The following ZNF277 variants were observed in gnomAD, a reference collection of about 807,000 sequenced individuals.
The protein encoded by ZNF277 is zinc finger protein 277.
In ZNF277, 55 loss-of-function variants were observed where a neutral mutation model predicts 60.7. The ratio of observed to expected loss-of-function variants is 0.91; its 90% CI spans 0.73 to 1.13. The LOEUF (loss-of-function observed/expected upper bound fraction) is 1.13, where lower values mean the gene tolerates loss of function less well. ZNF277 is among the 50% of genes most tolerant of loss of function. The pLI, the probability that ZNF277 is intolerant of heterozygous loss-of-function variation, is 0.00. For missense variants in ZNF277, 510 were observed against 523.0 expected (o/e 0.98, Z 0.24); for synonymous variants, 178 against 179.3 (o/e 0.99, Z 0.06).
At chr7:112,338,194 A>G (rs761144461) in intron 9 of ZNF277, among the ~76,000 whole-genome samples, 5 of 152,198 alleles carry the variant, frequency 3.3e-5, no homozygotes, top group Admixed American at 6.5e-5. Flanking sequence ...TCCCGGAGGA[A>G]TAGGGAAAAA....
intron 4 of ZNF277, among the ~76,000 whole-genome samples, chr7:112,297,689 A>G (rs945876031): frequency 6.6e-6 from 1 of 152,218 alleles, no homozygotes; most frequent in Non-Finnish European, 1.5e-5. Flanking sequence ...TGAAATCTGC[A>G]AAACAAGGCT....
intron 1 of ZNF277, among the ~76,000 whole-genome samples, chr7:112,277,518 C>T (rs1791834338): frequency 6.6e-6 from 1 of 152,210 alleles, no homozygotes; most frequent in African/African-American, 2.4e-5. Flanking sequence ...AGGTTAAGAA[C>T]ATCTGCATAA....
chr7:112,248,252 C>T (rs947573293), intron 1 of ZNF277, among the ~76,000 whole-genome samples: 4 of 150,276 alleles, frequency 2.7e-5, no homozygotes, highest in Non-Finnish European at 5.9e-5. Context: ...TTGATCATGA[C>T]TGCAGATAGA....
At chr7:112,335,190 A>G (rs1047459931) in intron 7 of ZNF277, among the ~76,000 whole-genome samples, 1 of 152,220 alleles carries the variant, frequency 6.6e-6, no homozygotes, top group Admixed American at 6.5e-5. Context: ...CCAAAAGGAT[A>G]TTGAACAACA....
chr7:112,327,711 T>C lies in ZNF277; in HGVS notation c.558-6T>C, dbSNP rs755187187. The C allele has an allele frequency of 6.2e-7, 1 of 1,608,188 alleles. No individual in the cohort carries two copies. Among genetic ancestry groups the C allele is most frequent in the South Asian group, 1.1e-5 (1 of 90,104 alleles). ...AATAATCCTAATTGCTCAAATTTCT[T>C]CCTAGATCTGTTATTTTGAACCACA... is the stretch of plus-strand genomic sequence containing the variant. On this transcript the variant is annotated splice_polypyrimidine_tract_variant and splice_region_variant and intron_variant, in intron 5 of 11. Transcript: ENST00000361822.
intron 7 of ZNF277, among the ~76,000 whole-genome samples, chr7:112,333,415 G>A (rs976535251): frequency 7.9e-5 from 12 of 152,184 alleles, no homozygotes; most frequent in African/African-American, 2.9e-4. Flanking sequence ...AAACCACCAT[G>A]TAAGCACGTT....
At chr7:112,289,532 A>G (rs1792156248) in intron 2 of ZNF277, among the ~76,000 whole-genome samples, 1 of 152,196 alleles carries the variant, frequency 6.6e-6, no homozygotes, top group Non-Finnish European at 1.5e-5. Flanking sequence ...CTTTATTCTC[A>G]TTAAAATATA....
chr7:112,221,404 A>AC (rs956880384), intron 1 of ZNF277, among the ~76,000 whole-genome samples: 1 of 151,518 alleles, frequency 6.6e-6, no homozygotes, highest in Non-Finnish European at 1.5e-5. Context: ...GGGAGGAAGG[A>AC]CCCCCGGTAA....
intron 1 of ZNF277, among the ~76,000 whole-genome samples, chr7:112,218,803 G>T (rs1056111267): frequency 5.3e-5 from 8 of 152,212 alleles, no homozygotes; most frequent in African/African-American, 1.9e-4. Context: ...TCCTTCTTTC[G>T]TAAGGCTGAA....
At chr7:112,255,716 C>A (rs935342281) in intron 1 of ZNF277, among the ~76,000 whole-genome samples, 1 of 152,152 alleles carries the variant, frequency 6.6e-6, no homozygotes, top group South Asian at 2.1e-4. Flanking sequence ...AAATTCAGAC[C>A]CTCACTGTAT....
At chr7:112,340,658 G>A (rs1324722568) in intron 10 of ZNF277, among the ~76,000 whole-genome samples, 2 of 152,134 alleles carry the variant, frequency 1.3e-5, no homozygotes, top group Non-Finnish European at 2.9e-5. Flanking sequence ...AAGATTAAAT[G>A]TATTAATACA....
At chr7:112,244,623 G>A (rs1313645340) in intron 1 of ZNF277, among the ~76,000 whole-genome samples, 1 of 152,058 alleles carries the variant, frequency 6.6e-6, no homozygotes, top group Non-Finnish European at 1.5e-5. Flanking sequence ...AAAGTTAGAT[G>A]TATTTTCCCT....
intron 2 of ZNF277, among the ~76,000 whole-genome samples, chr7:112,293,470 T>C (rs1185798913): frequency 6.6e-6 from 1 of 151,092 alleles, no homozygotes. Context: ...TCCCAGCTAC[T>C]CGGGAGGCTG....
intron 1 of ZNF277, among the ~76,000 whole-genome samples, chr7:112,215,450 A>C (rs1304678617): frequency 6.6e-6 from 1 of 152,198 alleles, no homozygotes; most frequent in Non-Finnish European, 1.5e-5. Context: ...GCTGGGCTCT[A>C]TATGGGATAC....
intron 1 of ZNF277, among the ~76,000 whole-genome samples, chr7:112,227,149 T>C (rs1424324769): frequency 1.3e-5 from 2 of 152,234 alleles, no homozygotes; most frequent in African/African-American, 4.8e-5. Context: ...TGGATAGTTA[T>C]CAAAATTAAT....
chr7:112,261,001 A>C (rs1791426256), intron 1 of ZNF277, among the ~76,000 whole-genome samples: 1 of 151,300 alleles, frequency 6.6e-6, no homozygotes, highest in Admixed American at 6.6e-5. Flanking sequence ...GAAAGATCAG[A>C]ACTCACAACA....
rs762824873 is a variant in ZNF277 at position 112,310,478 on chromosome 7, A to AGAGAGAGAGAGAGT, written c.466-7703_466-7702insAGAGAGAGAGAGTG. Among the ~76,000 whole-genome samples the AGAGAGAGAGAGAGT allele has an allele frequency of 8.6e-4, 108 of 125,588 alleles. 2 individuals are homozygous for AGAGAGAGAGAGAGT. The highest frequency in any genetic ancestry group is 3.8e-3 in the Middle Eastern group (1 of 266). The allele number at this position is 125,588 out of a possible 152,430, so 82.4% of individuals were successfully genotyped here. On this transcript the variant is annotated intron_variant, in intron 4 of 11. Coordinates refer to ENST00000361822, the MANE Select transcript of ZNF277 (RefSeq NM_021994.3). ...TTGAGAGAGAGAGAGAGAGAGAGAG[A>AGAGAGAGAGAGAGT]GTGTGTGTGTGTGTATGTATTTTAT...
chr7:112,213,029 G>GT (rs1430897633), intron 1 of ZNF277, among the ~76,000 whole-genome samples: 1 of 152,180 alleles, frequency 6.6e-6, no homozygotes, highest in Non-Finnish European at 1.5e-5. Context: ...GTTTGGCTGT[G>GT]TCCCCACCCA....
intron 1 of ZNF277, among the ~76,000 whole-genome samples, chr7:112,217,173 T>C (rs1022391065): frequency 6.6e-6 from 1 of 152,226 alleles, no homozygotes; most frequent in Admixed American, 6.5e-5. Flanking sequence ...TAGAAAGTGC[T>C]GGGGAACATT....
Sources: gnomAD v4.1 joint callset for allele counts (sites outside exome capture counted in the v4.1 genomes callset) on GRCh38, gnomAD v4.1.1 for gene constraint, MANE v1.5 for transcripts, NCBI Gene and HGNC (gene_info 2026-07-23, HGNC 2026-07-21) for gene names.